CHN2: variants seen among roughly 807,000 people sequenced by gnomAD.
CHN2 encodes chimerin 2, also known as beta-chimaerin.
A neutral mutation model predicts 56.3 loss-of-function variants in CHN2; 35 were observed. That is an observed-to-expected ratio of 0.62 (90% CI 0.47 to 0.82). The LOEUF is 0.82. Among genes scored for constraint, CHN2 ranks in the 40% least tolerant of loss-of-function variants. The pLI, the probability that CHN2 is intolerant of heterozygous loss-of-function variation, is 0.00. For missense variants in CHN2, 491 were observed against 580.5 expected, an observed-to-expected ratio of 0.85 and a Z score of 1.58; for synonymous variants, 210 against 212.8, an observed-to-expected ratio of 0.99 and a Z score of 0.12.
At chr7:29,508,857 A>G (rs1350674821) in intron 11 of CHN2, among the ~76,000 whole-genome samples, 1 of 152,122 alleles carries the variant, frequency 6.6e-6, no homozygotes, top group Non-Finnish European at 1.5e-5. Flanking sequence ...GCCTTGTAAA[A>G]TGTATTAGGT....
At chr7:29,182,833 T>A (rs755811506) in intron 2 of CHN2, among the ~76,000 whole-genome samples, 7 of 152,166 alleles carry the variant, frequency 4.6e-5, no homozygotes, top group Non-Finnish European at 1.0e-4. Context: ...AGAGACAGCA[T>A]CCTATTGTGT....
At chr7:29,296,384 C>T (rs1486533402) in intron 1 of CHN2, among the ~76,000 whole-genome samples, 1 of 151,760 alleles carries the variant, frequency 6.6e-6, no homozygotes, top group Non-Finnish European at 1.5e-5. Context: ...CATGCCCAGC[C>T]GTAATCACCT....
At chr7:29,334,218 C>T (rs563308611) in intron 1 of CHN2, among the ~76,000 whole-genome samples, 3 of 151,618 alleles carry the variant, frequency 2.0e-5, no homozygotes, top group South Asian at 2.1e-4. Context: ...GCCCAGCTAA[C>T]GTTTGTATTT....
At chr7:29,439,605 A>C (rs368532577) in intron 6 of CHN2, among the ~76,000 whole-genome samples, 4 of 152,158 alleles carry the variant, frequency 2.6e-5, no homozygotes, top group East Asian at 1.9e-4. Flanking sequence ...CTGCTGTCTG[A>C]CATCATCATC....
chr7:29,489,846 T>C (rs1158821527), intron 7 of CHN2, among the ~76,000 whole-genome samples: 3 of 152,132 alleles, frequency 2.0e-5, no homozygotes, highest in Non-Finnish European at 2.9e-5. Flanking sequence ...TAAAATGCAA[T>C]CCTGATGTGC....
chr7:29,478,816 A>T (rs1786831961), intron 6 of CHN2, among the ~76,000 whole-genome samples: 1 of 152,198 alleles, frequency 6.6e-6, no homozygotes, highest in African/African-American at 2.4e-5. Flanking sequence ...AGCTTAACGT[A>T]AAAATTGGGT....
chr7:29,373,305 T>A (rs1434655786), intron 3 of CHN2, among the ~76,000 whole-genome samples: 2 of 151,978 alleles, frequency 1.3e-5, no homozygotes, highest in Admixed American at 6.6e-5. Context: ...GCCTCCTGAG[T>A]GGCAGGGATT....
chr7:29,338,688 C>T (rs1796812042), intron 1 of CHN2, among the ~76,000 whole-genome samples: 1 of 152,184 alleles, frequency 6.6e-6, no homozygotes, highest in Non-Finnish European at 1.5e-5. Flanking sequence ...AAGCAATTCT[C>T]ATGCCTCAGC....
At chr7:29,435,632 T>C (rs1783160933) in intron 6 of CHN2, among the ~76,000 whole-genome samples, 1 of 152,144 alleles carries the variant, frequency 6.6e-6, no homozygotes, top group East Asian at 1.9e-4. Context: ...ACAGTTAAAA[T>C]TATAATATTA....
At chr7:29,409,602 A>T (rs1416521480) in intron 6 of CHN2, among the ~76,000 whole-genome samples, 1 of 152,218 alleles carries the variant, frequency 6.6e-6, no homozygotes, top group Admixed American at 6.5e-5. Context: ...ACAGATGTGT[A>T]GTTGGAAAAA....
At chr7:29,429,187 T>C (rs1268614427) in intron 6 of CHN2, among the ~76,000 whole-genome samples, 1 of 152,250 alleles carries the variant, frequency 6.6e-6, no homozygotes, top group African/African-American at 2.4e-5. Context: ...CAATAACATT[T>C]GGTTTCATAT....
chr7:29,507,899 G>A (rs967753229), intron 11 of CHN2, among the ~76,000 whole-genome samples: 1 of 152,116 alleles, frequency 6.6e-6, no homozygotes, highest in Non-Finnish European at 1.5e-5. Flanking sequence ...CTGGGCATGT[G>A]CGGCCCATAG....
At chr7:29,215,197 T>G (rs898878562) in intron 1 of CHN2, among the ~76,000 whole-genome samples, 12 of 152,324 alleles carry the variant, frequency 7.9e-5, no homozygotes, top group African/African-American at 2.2e-4. Flanking sequence ...ACTCTTCCCT[T>G]AAATTATTAC....
In CHN2 at chr7:29,425,982, G is replaced by A. The variant is rs572577583; in HGVS notation, c.576+25154G>A. Among the ~76,000 whole-genome samples, 123 of 152,054 alleles carry A rather than the reference G, an allele frequency of 8.1e-4. 2 individuals carry two copies. Among genetic ancestry groups the A allele is most frequent in the African/African-American group, 2.6e-3 (107 of 41,500 alleles). The stretch of plus-strand genomic sequence containing the variant: ...TCCCAGCACTTTGGGAGGCCAAGGC[G>A]GATGGATCATGAGGTCAGGAGTTCA... On this transcript the variant is annotated intron_variant, in intron 6 of 12. Coordinates refer to ENST00000222792, the MANE Select transcript of CHN2 (RefSeq NM_004067.4).
rs541792526 is a variant in CHN2 at position 29,442,934 on chromosome 7, C to CTTTTTTTTTTTTTTTTTT, written c.577-37328_577-37327insTTTTTTTTTTTTTTTTTT. 8.9e-4 allele frequency among the ~76,000 whole-genome samples: 92 copies of CTTTTTTTTTTTTTTTTTT among 103,060 alleles called. 17 individuals are homozygous for CTTTTTTTTTTTTTTTTTT. Among genetic ancestry groups the CTTTTTTTTTTTTTTTTTT allele is most frequent in the African/African-American group, 3.6e-3 (75 of 21,034 alleles). The allele number at this position is 103,060 out of a possible 152,430, so 67.6% of individuals were successfully genotyped here. ...CATCGCTTTCAATTTCATTGAATTT[C>CTTTTTTTTTTTTTTTTTT]TTTTTTTTTTTTTTTTTGAGACGGA... On this transcript the variant is annotated intron_variant, in intron 6 of 12. Transcript: ENST00000222792.
At chr7:29,427,226 G>A (rs1291544395) in intron 6 of CHN2, among the ~76,000 whole-genome samples, 1 of 152,206 alleles carries the variant, frequency 6.6e-6, no homozygotes, top group Non-Finnish European at 1.5e-5. Context: ...TGAGGCACAA[G>A]AATCTCTTCA....
chr7:29,312,752 G>A (rs1284033998), intron 1 of CHN2, among the ~76,000 whole-genome samples: 1 of 152,056 alleles, frequency 6.6e-6, no homozygotes, highest in East Asian at 1.9e-4. Flanking sequence ...TGAAATTGAT[G>A]TATTAAGAAA....
intron 6 of CHN2, among the ~76,000 whole-genome samples, chr7:29,405,941 C>A (rs1437842809): frequency 6.6e-6 from 1 of 152,140 alleles, no homozygotes; most frequent in Non-Finnish European, 1.5e-5. Context: ...CGTGGCCAGG[C>A]CAAGGAGTGA....
At chr7:29,421,434 T>C (rs1000690400) in intron 6 of CHN2, among the ~76,000 whole-genome samples, 2 of 152,196 alleles carry the variant, frequency 1.3e-5, no homozygotes, top group African/African-American at 4.8e-5. Flanking sequence ...TAAAAAGTTC[T>C]GTGCACAGAG....
Sources: allele counts gnomAD v4.1 joint callset (sites outside exome capture counted in the v4.1 genomes callset), GRCh38; gene constraint gnomAD v4.1.1; transcripts MANE v1.5; gene names NCBI Gene and HGNC (gene_info 2026-07-23, HGNC 2026-07-21).